The following SOX5 variants were observed in gnomAD, a reference collection of about 807,000 sequenced individuals.
SOX5 encodes transcription factor SOX-5.
A neutral mutation model predicts 92.0 loss-of-function variants in SOX5; 9 were observed. The observed-to-expected ratio is 0.10, with a 90% CI of 0.06 to 0.17. The LOEUF is 0.17. Among genes scored for constraint, SOX5 ranks in the 10% least tolerant of loss-of-function variants. The pLI, the probability that SOX5 is intolerant of heterozygous loss-of-function variation, is 1.00. For synonymous variants in SOX5, 344 were observed against 336.3 expected (o/e 1.02, Z -0.25); for missense variants, 642 against 944.5 (o/e 0.68, Z 4.20).
chr12:24,358,399 T>C (rs1477562172), intron 2 of SOX5, among the ~76,000 whole-genome samples: 2 of 152,130 alleles, frequency 1.3e-5, no homozygotes, highest in African/African-American at 4.8e-5. Flanking sequence ...CACAGGAAAA[T>C]TCTCTGAAGT....
At chr12:24,255,370 T>C (rs2140197215) in intron 3 of SOX5, among the ~76,000 whole-genome samples, 1 of 152,128 alleles carries the variant, frequency 6.6e-6, no homozygotes, top group East Asian at 1.9e-4. Context: ...TCCAACATAA[T>C]TGAGAATGTA....
intron 1 of SOX5, among the ~76,000 whole-genome samples, chr12:24,545,495 G>T (rs1390917852): frequency 6.6e-6 from 1 of 151,648 alleles, no homozygotes; most frequent in East Asian, 1.9e-4. Flanking sequence ...GGTTTAAAAA[G>T]GTTTTCTTCT....
At chr12:24,489,490 G>A (rs1378705417) in intron 1 of SOX5, among the ~76,000 whole-genome samples, 4 of 152,164 alleles carry the variant, frequency 2.6e-5, no homozygotes, top group African/African-American at 9.7e-5. Context: ...AAGGCCCAGA[G>A]AGAGCATGCC....
intron 4 of SOX5, among the ~76,000 whole-genome samples, chr12:24,205,639 C>G (rs7303667): frequency 1.3e-5 from 2 of 151,958 alleles, no homozygotes; most frequent in Middle Eastern, 3.2e-3. Context: ...CACTCTGCCT[C>G]CTGTAAGGAC....
rs1266129088 is a variant in SOX5 at position 23,541,828 on chromosome 12, C to T, written c.1771+1383G>A. Among the ~76,000 whole-genome samples the T allele has an allele frequency of 2.0e-5, 3 of 152,192 alleles. No individual in the cohort carries two copies. In the South Asian group the frequency reaches 6.2e-4, roughly 32 times the overall value. ...GAGAATATGGGATCATAAAAACATACGGCCGGGCGTGGTGGCTCATGCCTG... is the reference window on the plus strand; with the variant it reads ...GAGAATATGGGATCATAAAAACATATGGCCGGGCGTGGTGGCTCATGCCTG... On this transcript the variant is annotated intron_variant, in intron 13 of 14. Coordinates refer to ENST00000451604, the MANE Select transcript of SOX5 (RefSeq NM_006940.6).
intron 2 of SOX5, among the ~76,000 whole-genome samples, chr12:24,321,872 G>A (rs1027959460): frequency 5.3e-5 from 8 of 152,226 alleles, no homozygotes; most frequent in South Asian, 2.1e-4. Context: ...TTCAGAAGTT[G>A]GCCCTAATAT....
chr12:23,671,082 C>T (rs1159196570), intron 6 of SOX5, among the ~76,000 whole-genome samples: 4 of 151,908 alleles, frequency 2.6e-5, no homozygotes, highest in Admixed American at 6.6e-5. Context: ...GATGGCATCA[C>T]CAGACTGGGA....
chr12:23,795,824 A>C (rs2095552517), intron 3 of SOX5, among the ~76,000 whole-genome samples: 1 of 152,158 alleles, frequency 6.6e-6, no homozygotes, highest in Non-Finnish European at 1.5e-5. Context: ...ATGAAATATA[A>C]AATTATTGTA....
chr12:24,241,250 T>C (rs1965504130), intron 3 of SOX5, among the ~76,000 whole-genome samples: 1 of 152,212 alleles, frequency 6.6e-6, no homozygotes, highest in South Asian at 2.1e-4. Flanking sequence ...CTAGTTAAGA[T>C]GAATCTAGAT....
At chr12:23,911,678 A>G (rs1409114356) in intron 1 of SOX5, among the ~76,000 whole-genome samples, 1 of 152,162 alleles carries the variant, frequency 6.6e-6, no homozygotes, top group East Asian at 1.9e-4. Context: ...AGGTTCTAGT[A>G]CATATTCATG....
At chr12:24,460,792 A>G (rs1196009023) in intron 1 of SOX5, 1 of 152,124 alleles carries the variant, frequency 6.6e-6, no homozygotes, top group Non-Finnish European at 1.5e-5. Flanking sequence ...GTGGTAAAAA[A>G]CAAGAAAGCA....
chr12:23,988,553 G>A (rs1592107751), intron 4 of SOX5, among the ~76,000 whole-genome samples: 1 of 152,164 alleles, frequency 6.6e-6, no homozygotes, highest in Admixed American at 6.5e-5. Flanking sequence ...AGAGGAATAC[G>A]AAGGGGCCAA....
intron 1 of SOX5, among the ~76,000 whole-genome samples, chr12:24,422,837 C>T (rs1352436783): frequency 1.3e-5 from 2 of 152,256 alleles, no homozygotes; most frequent in African/African-American, 4.8e-5. Context: ...ACAGTGAGAT[C>T]CCATTCCTAC....
intron 4 of SOX5, among the ~76,000 whole-genome samples, chr12:23,979,733 T>TTTTTTTTTA (rs1949347837): frequency 7.9e-6 from 1 of 125,916 alleles, no homozygotes; most frequent in Non-Finnish European, 1.6e-5. Flanking sequence ...TTTTTTTTTT[T>TTTTTTTTTA]TGGAGACAGG....
chr12:23,787,358 T>C (rs1013914830), intron 3 of SOX5, among the ~76,000 whole-genome samples: 1 of 151,944 alleles, frequency 6.6e-6, no homozygotes, highest in African/African-American at 2.4e-5. Context: ...TAAAACAGTA[T>C]GAAAGAATTT....
chr12:24,527,290 T>C (rs555599125), intron 1 of SOX5, among the ~76,000 whole-genome samples: 17 of 152,314 alleles, frequency 1.1e-4, no homozygotes, highest in Admixed American at 7.8e-4. Flanking sequence ...GCATGGGACA[T>C]GTATTTGAGG....
At chr12:24,444,654 T>C (rs543080262) in intron 1 of SOX5, among the ~76,000 whole-genome samples, 2 of 152,094 alleles carry the variant, frequency 1.3e-5, no homozygotes, top group African/African-American at 4.8e-5. Flanking sequence ...GGGAACTGCC[T>C]TTGGTGAAAG....
chr12:24,087,590 AT>A (rs1204273988), intron 4 of SOX5, among the ~76,000 whole-genome samples: 1 of 152,056 alleles, frequency 6.6e-6, no homozygotes, highest in African/African-American at 2.4e-5. Flanking sequence ...TATGCTTTTC[AT>A]TTTGCTGAGA....
At chr12:23,646,768 TATC>T (rs2080908711) in intron 7 of SOX5, among the ~76,000 whole-genome samples, 1 of 152,360 alleles carries the variant, frequency 6.6e-6, no homozygotes, top group East Asian at 1.9e-4. Context: ...ATTCAAGTTT[TATC>T]ATGAGATGGC....
Sources: gnomAD v4.1 joint callset for allele counts (sites outside exome capture counted in the v4.1 genomes callset) on GRCh38, gnomAD v4.1.1 for gene constraint, MANE v1.5 for transcripts, NCBI Gene and HGNC (gene_info 2026-07-23, HGNC 2026-07-21) for gene names.